GTF3C2: variants seen among roughly 807,000 people sequenced by gnomAD.
The protein encoded by GTF3C2 is general transcription factor 3C polypeptide 2.
Under a neutral mutation model 117.4 loss-of-function variants are expected in GTF3C2, and 17 were observed. The observed-to-expected ratio is 0.14, with a 90% CI of 0.10 to 0.22. GTF3C2 has a LOEUF of 0.22. Among genes scored for constraint, GTF3C2 ranks in the 10% least tolerant of loss-of-function variants. GTF3C2 has a pLI of 1.00. For missense variants in GTF3C2, 888 were observed against 1,143.6 expected (o/e 0.78, Z 3.22); for synonymous variants, 437 against 427.0 (o/e 1.02, Z -0.29).
intron 3 of GTF3C2, 195 bp downstream of exon 3, chr2:27,342,631 C>A: frequency 3.4e-6 from 2 of 591,224 alleles, no homozygotes; most frequent in East Asian, 5.6e-5. Flanking sequence ...GACAATAATT[C>A]TTAGATAAAC....
At chr2:27,346,579 G>A (rs1021521188) in intron 1 of GTF3C2, among the ~76,000 whole-genome samples, 2 of 151,382 alleles carry the variant, frequency 1.3e-5, no homozygotes, top group South Asian at 4.2e-4. Flanking sequence ...GTGCAGTGGC[G>A]TGATTACATA....
intron 1 of GTF3C2, chr2:27,356,121 G>C: frequency 7.8e-7 from 1 of 1,288,410 alleles, no homozygotes; most frequent in Non-Finnish European, 1.0e-6. Flanking sequence ...AGTTGCCTCC[G>C]ACGGAGTTGA....
intron 15 of GTF3C2, 119 bp downstream of exon 15, chr2:27,328,725 T>C (rs1680177452): frequency 1.9e-6 from 2 of 1,060,974 alleles, no homozygotes; most frequent in Non-Finnish European, 2.9e-6. Context: ...GCCCTGATGA[T>C]AGAGTTACAA....
chr2:27,343,828 T>C (rs1376731490), intron 1 of GTF3C2, among the ~76,000 whole-genome samples: 1 of 152,062 alleles, frequency 6.6e-6, no homozygotes, highest in Non-Finnish European at 1.5e-5. Flanking sequence ...GGAAGGCAGC[T>C]TGAGCTTAGG....
intron 10 of GTF3C2, 102 bp downstream of exon 10, chr2:27,335,496 C>T (rs1361567739): frequency 1.4e-6 from 1 of 734,642 alleles, no homozygotes. Context: ...AGGCTTTGTG[C>T]TAAGAGAGAC....
exon 19 of GTF3C2, chr2:27,326,826 C>T: frequency 6.2e-7 from 1 of 1,613,922 alleles, no homozygotes; most frequent in Non-Finnish European, 8.5e-7. Context: ...AAAATGGATT[C>T]GAACCAGCCC....
exon 18 of GTF3C2, chr2:27,327,228 C>A: frequency 6.2e-7 from 1 of 1,611,526 alleles, no homozygotes. Flanking sequence ...GAGAATGCCC[C>A]TCTCCCTCCT....
chr2:27,342,074 T>C (rs778623770), exon 4 of GTF3C2: 9 of 1,614,040 alleles, frequency 5.6e-6, no homozygotes, highest in African/African-American at 1.3e-5. Flanking sequence ...CTTCATCCCG[T>C]GGAGCACCAT....
intron 1 of GTF3C2, among the ~76,000 whole-genome samples, chr2:27,347,430 C>T (rs1006114128): frequency 1.3e-5 from 2 of 152,166 alleles, no homozygotes; most frequent in Non-Finnish European, 1.5e-5. Flanking sequence ...CAAGAAAACA[C>T]ATGTGCTAAA....
rs549488419 is a variant in GTF3C2, at chr2:27,353,498, G to A, written c.-25+3241C>T. Among the ~76,000 whole-genome samples the A allele has an allele frequency of 7.2e-5, 11 of 152,172 alleles. No homozygotes were observed. The East Asian group carries it at 2.1e-3, about 29-fold the overall frequency. On this transcript the variant is annotated intron_variant, in intron 1 of 18. Transcript: ENST00000264720. ...CTGTCTCCCAGGCTGGAGCGCAGGG[G>A]CATGCTCTCTGCTCACCGCTGCCTC...
chr2:27,345,709 C>T (rs1680893226), intron 1 of GTF3C2, among the ~76,000 whole-genome samples: 2 of 150,560 alleles, frequency 1.3e-5, no homozygotes, highest in Admixed American at 6.6e-5. Context: ...GTTAAGAAAG[C>T]TTTTCCTTTT....
chr2:27,356,357 G>A (rs994911695), intron 1 of GTF3C2: 2 of 330,054 alleles, frequency 6.1e-6, no homozygotes, highest in Admixed American at 3.8e-5. Context: ...AGTCCTGGGC[G>A]TGAAGGTAGA....
At chr2:27,332,016 A>G (rs932353211) in intron 12 of GTF3C2, among the ~76,000 whole-genome samples, 7 of 152,204 alleles carry the variant, frequency 4.6e-5, no homozygotes, top group African/African-American at 1.4e-4. Context: ...TTTTAATTCT[A>G]AAAGTATCTT....
chr2:27,355,169 T>G (rs368168176), intron 1 of GTF3C2, among the ~76,000 whole-genome samples: 6 of 152,352 alleles, frequency 3.9e-5, no homozygotes, highest in East Asian at 3.9e-4. Context: ...TAATAATTGG[T>G]GTCAGCAACT....
intron 1 of GTF3C2, chr2:27,350,329 G>T: frequency 1.2e-6 from 1 of 813,944 alleles, no homozygotes; most frequent in Non-Finnish European, 1.5e-6. Flanking sequence ...CAGCAATTCT[G>T]GATGGGGCCA....
chr2:27,343,701 T>C (rs971042460), intron 1 of GTF3C2, 123 bp from the exon 2 acceptor site: 1 of 755,034 alleles, frequency 1.3e-6, no homozygotes, highest in Non-Finnish European at 2.1e-6. Context: ...ATTATTCACT[T>C]ATTCAACAAT....
intron 17 of GTF3C2, 115 bp downstream of exon 17, chr2:27,327,922 G>A (rs528076771): frequency 2.5e-6 from 2 of 804,224 alleles, no homozygotes; most frequent in South Asian, 3.5e-5. Context: ...CACTGCACCT[G>A]GCCGAGGCTC....
chr2:27,348,252 G>A (rs908894164), intron 1 of GTF3C2, among the ~76,000 whole-genome samples: 1 of 148,654 alleles, frequency 6.7e-6, no homozygotes, highest in Non-Finnish European at 1.5e-5. Context: ...GGGCGACAGA[G>A]CAGGACTCCG....
At chr2:27,333,823 C>T (rs769010998) in intron 11 of GTF3C2, 39 bp from the exon 12 acceptor site, 1 of 1,593,942 alleles carries the variant, frequency 6.3e-7, no homozygotes, top group Admixed American at 1.7e-5. Context: ...GTTAGGGACA[C>T]CTACACTGTT....
Sources: allele counts gnomAD v4.1 joint callset (sites outside exome capture counted in the v4.1 genomes callset), GRCh38; gene constraint gnomAD v4.1.1; transcripts MANE v1.5; gene names NCBI Gene and HGNC (gene_info 2026-07-23, HGNC 2026-07-21).